The following EEF2 variants were observed in gnomAD, a reference collection of about 807,000 sequenced individuals.
The protein encoded by EEF2 is elongation factor 2.
In EEF2, 21 loss-of-function variants were observed where a neutral mutation model predicts 85.3. The observed-to-expected ratio is 0.25, with a 90% confidence interval of 0.17 to 0.35. The LOEUF (loss-of-function observed/expected upper bound fraction) is 0.35, where lower values mean the gene tolerates loss of function less well. EEF2 is among the 10% of genes least tolerant of loss of function. The pLI, the probability that EEF2 is intolerant of heterozygous loss-of-function variation, is 1.00. For missense variants in EEF2, 825 were observed against 1,225.3 expected (o/e 0.67, Z 4.88); for synonymous variants, 723 against 508.8 (o/e 1.42, Z -5.67).
intron 10 of EEF2, 151 bp downstream of exon 10, chr19:3,979,657 G>A: frequency 4.0e-6 from 5 of 1,248,068 alleles, no homozygotes; most frequent in Non-Finnish European, 5.6e-6. Context: ...GCCTGGGCAG[G>A]AGTCTCCATT....
In EEF2 at chr19:3,980,903, G is replaced by A. The variant is rs980260154; in HGVS notation, c.1088C>T (p.Thr363Met). ...MITIHLPSPV[T>M]AQKYRCELLY... ...GAGCTCGCAGCGGTACTTCTGGGCC[G>A]TCACAGGGGAGGGCAGGTGGATGGT... Residue 363 changes from threonine (T) to methionine (M), a missense_variant, in exon 8 of 15, where the codon ACG (threonine) becomes ATG (methionine). Thr to Met is a moderately conservative substitution (Grantham distance 81). Transcript: ENST00000309311. 37 of 1,565,768 alleles carry A rather than the reference G, an allele frequency of 2.4e-5. No individual in the cohort carries two copies. Among genetic ancestry groups the A allele is most frequent in the Non-Finnish European group, 2.9e-5 (34 of 1,156,548 alleles).
chr19:3,981,316 C>A (rs375690631), intron 7 of EEF2, 23 bp downstream of exon 7: 11 of 1,608,800 alleles, frequency 6.8e-6, no homozygotes, highest in South Asian at 3.3e-5. Flanking sequence ...CCCTCCACCC[C>A]GAGGGCTGGG....
chr19:3,983,073 G>C (rs1241051452), intron 3 of EEF2, 37 bp downstream of exon 3: 1 of 1,611,514 alleles, frequency 6.2e-7, no homozygotes, highest in Non-Finnish European at 8.5e-7. Flanking sequence ...GATGGCCCCC[G>C]GTTCCAGGCC....
At chr19:3,978,330 G>A (rs374087125) in intron 11 of EEF2, among the ~76,000 whole-genome samples, 158 bp from the exon 12 acceptor site, 3 of 152,108 alleles carry the variant, frequency 2.0e-5, no homozygotes, top group South Asian at 2.1e-4. Flanking sequence ...AGTGCCAAGC[G>A]CATCTCACTC....
At position 3,978,803 on chromosome 19, in the gene EEF2, CAAAA is replaced by C. The variant is rs58074233; in HGVS notation, c.1713+522_1713+525del. 6.6e-3 allele frequency among the ~76,000 whole-genome samples: 242 copies of C among 36,808 alleles called. 2 individuals carry two copies. The highest frequency in any genetic ancestry group is 0.016 in the South Asian group (11 of 670). 24.1% of individuals were successfully genotyped at this position (36,808 alleles called of 152,430 possible). The stretch of plus-strand genomic sequence containing the variant: ...AAGCAACAGAGCAAGACTCTTGTCT[CAAAA>C]AAAAAAAAAAAAAAAAAAAAAAAAT... On this transcript the variant is annotated intron_variant, in intron 11 of 14. Coordinates refer to ENST00000309311, the MANE Select transcript of EEF2 (RefSeq NM_001961.4).
rs1280637004 is a variant in EEF2, at chr19:3,985,463, G to A, written c.-83C>T. On this transcript the variant is annotated 5_prime_UTR_variant, in exon 1 of 15. Transcript: ENST00000309311. ...GGATGGCGGCGACGACGGCGGAAGAGAACGCTGACGTCAACACTCAGCTTT... is the reference window on the plus strand; with the variant it reads ...GGATGGCGGCGACGACGGCGGAAGAAAACGCTGACGTCAACACTCAGCTTT... 3.9e-5 allele frequency: 53 copies of A among 1,365,874 alleles called. No individual in the cohort carries two copies. The highest frequency in any genetic ancestry group is 1.9e-4 in the Middle Eastern group (1 of 5,284). 84.6% of individuals were successfully genotyped at this position (1,365,874 alleles called of 1,614,324 possible).
At chr19:3,978,521 G>A (rs532543824) in intron 11 of EEF2, among the ~76,000 whole-genome samples, 8 of 151,980 alleles carry the variant, frequency 5.3e-5, no homozygotes, top group African/African-American at 1.2e-4. Context: ...AAACTGCCCC[G>A]GAGGCCGGGC....
At chr19:3,981,905 A>G in intron 6 of EEF2, 42 bp downstream of exon 6, 1 of 1,585,584 alleles carries the variant, frequency 6.3e-7, no homozygotes, top group South Asian at 1.1e-5. Context: ...GCCGAGGGCC[A>G]ATAGTCGCAT....
chr19:3,976,493 A>G lies in EEF2; in HGVS notation c.*61T>C. On this transcript the variant is annotated 3_prime_UTR_variant, in exon 15 of 15. Transcript: ENST00000309311. ...TCTCCAGGTGTCGTCTGAGAATTCG[A>G]GGACGTGGTGCTGTGGGTGCTGCGA... is the stretch of plus-strand genomic sequence containing the variant. 6.5e-7 allele frequency: 1 copy of G among 1,541,356 alleles called. No homozygotes were observed. The highest frequency in any genetic ancestry group is 1.9e-4 in the Middle Eastern group (1 of 5,250).
chr19:3,977,921 G>C lies in EEF2; in HGVS notation c.1965C>G (p.Asp655Glu). ...CGGTGAGGATGTTGGGGCCGGTGCC[G>C]TCGGGCCCAAAGCACCAGATCTTGC... Reference protein sequence around the residue: ...EARKIWCFGPDGTGPNILTDI... With the variant: ...EARKIWCFGPEGTGPNILTDI... Residue 655 changes from aspartate (D) to glutamate (E), a missense_variant, in exon 12 of 15, where the codon GAC (aspartate) becomes GAG (glutamate). Coordinates refer to ENST00000309311, the MANE Select transcript of EEF2 (RefSeq NM_001961.4). The surrounding 1 kb of genome is among the most constrained non-coding windows in gnomAD (Gnocchi z 5.4). The C allele has an allele frequency of 6.2e-7, 1 of 1,613,554 alleles. No homozygotes were observed. Among genetic ancestry groups the C allele is most frequent in the Non-Finnish European group, 8.5e-7 (1 of 1,179,976 alleles).
At position 3,977,489 on chromosome 19, in the gene EEF2, T is replaced by C. The variant is rs1415329264; in HGVS notation, c.2189A>G (p.Tyr730Cys). 15 of 1,588,120 alleles carry C rather than the reference T, an allele frequency of 9.4e-6. No individual in the cohort carries two copies. Among genetic ancestry groups the C allele is most frequent in the South Asian group, 2.3e-5 (2 of 88,692 alleles). The change falls in exon 13 of 15, where the codon TAT (tyrosine) becomes TGT (cysteine). Residue 730 changes from tyrosine to cysteine, a missense_variant. Transcript: ENST00000309311. The surrounding 1 kb of genome is among the most constrained non-coding windows in gnomAD (Gnocchi z 5.4). ...QIIPTARRCL[Y>C]ASVLTAQPRL... The stretch of plus-strand genomic sequence containing the variant: ...TGGCTGGGCGGTCAGCACACTGGCA[T>C]AGAGGCAGCGCCGTGCTGTGGGGAT...
In EEF2 at chr19:3,977,075, G is replaced by A; in HGVS notation, c.2383+140C>T. ...CAGTGATTTAGGGGGTCCACAAGCTGTCAGAAACTGGACCACCTGCTCCAT... is the reference window on the plus strand; with the variant it reads ...CAGTGATTTAGGGGGTCCACAAGCTATCAGAAACTGGACCACCTGCTCCAT... On this transcript the variant is annotated intron_variant, in intron 14 of 14. Coordinates refer to ENST00000309311, the MANE Select transcript of EEF2 (RefSeq NM_001961.4). This position sits in a 1 kb window ranked among gnomAD's most constrained non-coding sequence, Gnocchi z 5.4. 1 of 1,292,340 alleles carries A rather than the reference G, an allele frequency of 7.7e-7. No individual in the cohort carries two copies. The highest frequency in any genetic ancestry group is 1.0e-6 in the Non-Finnish European group (1 of 955,110). The allele number at this position is 1,292,340 out of a possible 1,614,324, so 80.1% of individuals were successfully genotyped here.
At chr19:3,984,430 C>A in intron 1 of EEF2, 80 bp from the exon 2 acceptor site, 3 of 1,467,804 alleles carry the variant, frequency 2.0e-6, no homozygotes, top group East Asian at 2.3e-5. Context: ...TCCAAACGAA[C>A]CAGCATGCCC....
At chr19:3,981,552 C>A (rs547305576) in intron 6 of EEF2, 100 bp from the exon 7 acceptor site, 3 of 1,129,390 alleles carry the variant, frequency 2.7e-6, no homozygotes, top group Admixed American at 1.8e-5. Flanking sequence ...CGCAGGGGGA[C>A]GCAGCACGGG....
intron 5 of EEF2, 48 bp from the exon 6 acceptor site, chr19:3,982,100 G>T: frequency 6.2e-7 from 1 of 1,606,684 alleles, no homozygotes; most frequent in South Asian, 1.1e-5. Flanking sequence ...TCCAGGGGAT[G>T]ACTTGGGGAG....
rs141073478 is a variant in EEF2, at chr19:3,979,907, G to A, written c.1506C>T (p.Ser502=). ...CCTCCACGGCCACTCTGACAACAGG[G>A]CTGACGCTGAACTTCATCACCCGCA... ...HNMRVMKFSV[S]PVVRVAVEAK... is the part of the protein sequence containing the mutation. The change falls in exon 10 of 15, where the codon AGC becomes AGT. Residue 502 remains serine (S), a synonymous_variant. Coordinates refer to ENST00000309311, the MANE Select transcript of EEF2 (RefSeq NM_001961.4). 3.7e-6 allele frequency: 6 copies of A among 1,613,778 alleles called. No homozygotes were observed. The highest frequency in any genetic ancestry group is 1.6e-4 in the Middle Eastern group (1 of 6,084).
At chr19:3,981,210 T>C in intron 7 of EEF2, 129 bp downstream of exon 7, 1 of 1,092,846 alleles carries the variant, frequency 9.2e-7, no homozygotes, top group Non-Finnish European at 1.3e-6. Flanking sequence ...GCACCCAGAG[T>C]CTAAAGCGAA....
chr19:3,977,551 C>T lies in EEF2; in HGVS notation c.2127G>A (p.Leu709=). 11 of 1,584,716 alleles carry T rather than the reference C, an allele frequency of 6.9e-6. No individual in the cohort carries two copies. Among genetic ancestry groups the T allele is most frequent in the Non-Finnish European group, 9.4e-6 (11 of 1,171,018 alleles). Residue 709 remains leucine (L), a synonymous_variant, in exon 13 of 15, where the codon CTG becomes CTA. Coordinates refer to ENST00000309311, the MANE Select transcript of EEF2 (RefSeq NM_001961.4). This position sits in a 1 kb window ranked among gnomAD's most constrained non-coding sequence, Gnocchi z 5.4. ...CTCCGCGGTGGATGGCGTCGGCGTG[C>T]AGGGTGACGTCGTGGACGTCGAAGC... ...GVRFDVHDVT[L]HADAIHRGGG...
At chr19:3,984,077 G>C in intron 2 of EEF2, 59 bp downstream of exon 2, 1 of 1,585,824 alleles carries the variant, frequency 6.3e-7, no homozygotes, top group Admixed American at 1.7e-5. Flanking sequence ...TGGCCCAGTG[G>C]CCTCCAGCTG....
Sources: allele counts gnomAD v4.1 joint callset (sites outside exome capture counted in the v4.1 genomes callset), GRCh38; gene constraint gnomAD v4.1.1; non-coding constraint Gnocchi (gnomAD v3.1); transcripts MANE v1.5; gene names NCBI Gene and HGNC (gene_info 2026-07-23, HGNC 2026-07-21).